SORCS1: variants seen among roughly 807,000 people sequenced by gnomAD.
The protein encoded by SORCS1 is VPS10 domain-containing receptor SorCS1.
A neutral mutation model predicts 146.1 loss-of-function variants in SORCS1; 60 were observed. The observed-to-expected ratio is 0.41, with a 90% CI of 0.33 to 0.51. SORCS1 has a LOEUF of 0.51. Ranked by LOEUF, SORCS1 falls within the 20% of genes least tolerant of loss-of-function variation. SORCS1 has a pLI of 0.21. For missense variants in SORCS1, 1,352 were observed against 1,487.6 expected (o/e 0.91, Z 1.50); for synonymous variants, 637 against 584.0 (o/e 1.09, Z -1.31).
At chr10:106,836,240 C>G (rs756925593) in intron 2 of SORCS1, among the ~76,000 whole-genome samples, 13 of 151,550 alleles carry the variant, frequency 8.6e-5, no homozygotes, top group Non-Finnish European at 1.5e-4. Context: ...TTTGGGAGGC[C>G]GAGGCGGGCA....
At chr10:107,151,269 T>C (rs1456291717) in intron 1 of SORCS1, among the ~76,000 whole-genome samples, 3 of 152,162 alleles carry the variant, frequency 2.0e-5, no homozygotes, top group Non-Finnish European at 4.4e-5. Flanking sequence ...AAAATGCTGA[T>C]AGTGACATGG....
chr10:106,626,028 C>T (rs766724493), intron 19 of SORCS1, among the ~76,000 whole-genome samples: 4 of 152,188 alleles, frequency 2.6e-5, no homozygotes, highest in Non-Finnish European at 4.4e-5. Context: ...GACCGGCCCA[C>T]TCCCAGAAAC....
In SORCS1 at chr10:106,776,675, G is replaced by A; in HGVS notation, c.744C>T (p.Asp248=). The change falls in exon 4 of 26, where the codon GAC becomes GAT. Residue 248 remains aspartate (D), a synonymous_variant. Coordinates refer to ENST00000263054, the MANE Select transcript of SORCS1 (RefSeq NM_052918.5). ...TNKRKIMLLT[D]PEIESSLLIS... is the part of the protein sequence containing the mutation. ...TCAATAAACTGCTCTCAATCTCCGG[G>A]TCTGTGAGTAACATTATCTGCAGCA... 6.2e-7 allele frequency: 1 copy of A among 1,613,424 alleles called. No individual in the cohort carries two copies. Among genetic ancestry groups the A allele is most frequent in the East Asian group, 2.2e-5 (1 of 44,842 alleles).
chr10:106,858,513 T>C (rs372732773), intron 2 of SORCS1, among the ~76,000 whole-genome samples: 9 of 143,418 alleles, frequency 6.3e-5, no homozygotes, highest in Middle Eastern at 3.9e-3. Context: ...CCAGCTGAGG[T>C]AGGAGAATGG....
chr10:106,792,629 G>A (rs1280213415), intron 3 of SORCS1, among the ~76,000 whole-genome samples: 1 of 152,166 alleles, frequency 6.6e-6, no homozygotes, highest in Admixed American at 6.5e-5. Flanking sequence ...TTAACCATTA[G>A]AGCACATAAT....
intron 21 of SORCS1, among the ~76,000 whole-genome samples, chr10:106,616,189 CAA>C (rs1026733128): frequency 1.3e-5 from 2 of 152,070 alleles, no homozygotes; most frequent in African/African-American, 4.8e-5. Flanking sequence ...CAGATAAGGC[CAA>C]GATTTAAGGT....
intron 1 of SORCS1, among the ~76,000 whole-genome samples, chr10:107,108,633 C>T (rs555676022): frequency 3.9e-5 from 6 of 152,244 alleles, no homozygotes; most frequent in South Asian, 2.1e-4. Flanking sequence ...AAAATCCACA[C>T]TATATCATTC....
intron 2 of SORCS1, among the ~76,000 whole-genome samples, chr10:106,855,568 C>T (rs1174580430): frequency 6.6e-6 from 1 of 152,090 alleles, no homozygotes. Context: ...TCTGTATTTG[C>T]ACTTCGATGG....
At chr10:106,895,601 A>G (rs552659934) in intron 2 of SORCS1, among the ~76,000 whole-genome samples, 2 of 152,200 alleles carry the variant, frequency 1.3e-5, no homozygotes, top group South Asian at 4.2e-4. Context: ...ACACAGTAAG[A>G]CTCTGTCTCA....
chr10:106,701,454 C>T (rs1027172438), intron 8 of SORCS1, among the ~76,000 whole-genome samples: 8 of 152,074 alleles, frequency 5.3e-5, no homozygotes, highest in Non-Finnish European at 7.4e-5. Context: ...GGAATGACTG[C>T]GGAGTTATTA....
chr10:107,037,246 G>T (rs1958943155), intron 1 of SORCS1, among the ~76,000 whole-genome samples: 1 of 151,994 alleles, frequency 6.6e-6, no homozygotes, highest in Admixed American at 6.6e-5. Flanking sequence ...ACTGTCTCAA[G>T]AAACAAAACA....
In SORCS1 at chr10:107,050,341, G is replaced by C. The variant is rs925317286; in HGVS notation, c.559-93761C>G. ...CAGAGAAAAATCACATGTGAGAAATGAATCAATCAAAGAACAGGAGTGTAT... is the reference window on the plus strand; with the variant it reads ...CAGAGAAAAATCACATGTGAGAAATCAATCAATCAAAGAACAGGAGTGTAT... On this transcript the variant is annotated intron_variant, in intron 1 of 25. Transcript: ENST00000263054. Among the ~76,000 whole-genome samples, 133 of 152,054 alleles carry C rather than the reference G, an allele frequency of 8.7e-4. 3 individuals carry two copies. Among genetic ancestry groups the C allele is most frequent in the Non-Finnish European group, 1.2e-4 (8 of 68,006 alleles).
At position 106,574,513 on chromosome 10, in the gene SORCS1, T is replaced by C. The variant is rs1176319693; in HGVS notation, c.*2907A>G. The C allele has an allele frequency of 1.5e-4, 23 of 152,576 alleles. No homozygotes were observed. Among genetic ancestry groups the C allele is most frequent in the Admixed American group, 1.5e-3 (23 of 15,268 alleles). The allele number at this position is 152,576 out of a possible 1,614,324, so 9.5% of individuals were successfully genotyped here. ...TTGAGATTCAGCTGGAATGGCCTAG[T>C]ACAATGGTTCTCAAACTTTAGTATG... On this transcript the variant is annotated 3_prime_UTR_variant, in exon 26 of 26. Transcript: ENST00000263054.
intron 24 of SORCS1, among the ~76,000 whole-genome samples, chr10:106,583,249 C>T (rs1003918816): frequency 2.0e-5 from 3 of 152,078 alleles, no homozygotes; most frequent in Non-Finnish European, 4.4e-5. Flanking sequence ...AAAAAAAATC[C>T]TGAAAAATGA....
chr10:106,902,169 T>G (rs1031217951), intron 2 of SORCS1, among the ~76,000 whole-genome samples: 5 of 152,170 alleles, frequency 3.3e-5, no homozygotes, highest in African/African-American at 1.2e-4. Context: ...AGAGTATAAA[T>G]TGGTGAAATC....
intron 6 of SORCS1, among the ~76,000 whole-genome samples, chr10:106,729,166 G>T (rs1856415967): frequency 6.6e-6 from 1 of 152,192 alleles, no homozygotes; most frequent in South Asian, 2.1e-4. Flanking sequence ...ATTCTCACCT[G>T]AATAGGCTCT....
chr10:106,594,164 AC>A (rs1196139743), intron 24 of SORCS1, among the ~76,000 whole-genome samples: 1 of 152,052 alleles, frequency 6.6e-6, no homozygotes. Context: ...CTAATTACCC[AC>A]TTTTTGATCT....
chr10:106,898,265 G>C (rs1047626258), intron 2 of SORCS1, among the ~76,000 whole-genome samples: 1 of 152,168 alleles, frequency 6.6e-6, no homozygotes, highest in Non-Finnish European at 1.5e-5. Context: ...ATCAGATACT[G>C]TTCTGCCCAA....
chr10:106,980,215 C>A (rs1369216301), intron 1 of SORCS1, among the ~76,000 whole-genome samples: 1 of 152,164 alleles, frequency 6.6e-6, no homozygotes, highest in African/African-American at 2.4e-5. Context: ...ATGTGTCTAA[C>A]CATTTCCATG....
Sources: gnomAD v4.1 joint callset for allele counts (sites outside exome capture counted in the v4.1 genomes callset) on GRCh38, gnomAD v4.1.1 for gene constraint, MANE v1.5 for transcripts, NCBI Gene and HGNC (gene_info 2026-07-23, HGNC 2026-07-21) for gene names.